Variants in DNAH9 observed in about 807,000 individuals in gnomAD.
DNAH9 encodes the protein DNAH9 variant protein.
A neutral mutation model predicts 471.6 loss-of-function variants in DNAH9; 345 were observed. That is an observed-to-expected ratio of 0.73 (90% CI 0.67 to 0.80). The LOEUF (loss-of-function observed/expected upper bound fraction) is 0.80, where lower values mean the gene tolerates loss of function less well. Among genes scored for constraint, DNAH9 ranks in the 30% least tolerant of loss-of-function variants. The pLI, the probability that DNAH9 is intolerant of heterozygous loss-of-function variation, is 0.00. For synonymous variants in DNAH9, 2,093 were observed against 2,123.6 expected, an observed-to-expected ratio of 0.99 and a Z score of 0.40; for missense variants, 5,407 against 5,609.2, an observed-to-expected ratio of 0.96 and a Z score of 1.15.
chr17:11,675,059 G>T (rs1428392624), intron 17 of DNAH9, among the ~76,000 whole-genome samples: 2 of 152,132 alleles, frequency 1.3e-5, no homozygotes, highest in African/African-American at 4.8e-5. Flanking sequence ...ATCAATTTGA[G>T]TAGAATTGAT....
intron 27 of DNAH9, among the ~76,000 whole-genome samples, chr17:11,726,627 C>T (rs1216965383): frequency 2.0e-5 from 3 of 152,202 alleles, no homozygotes; most frequent in Non-Finnish European, 2.9e-5. Context: ...TTCAATGGAA[C>T]CACTACTGAT....
At chr17:11,751,330 C>T (rs916159466) in intron 32 of DNAH9, among the ~76,000 whole-genome samples, 2 of 151,852 alleles carry the variant, frequency 1.3e-5, no homozygotes, top group Admixed American at 6.6e-5. Flanking sequence ...CCCAATGTTA[C>T]TCATTAATAT....
intron 41 of DNAH9, among the ~76,000 whole-genome samples, chr17:11,791,402 C>T (rs1291037202): frequency 3.9e-5 from 6 of 152,122 alleles, no homozygotes; most frequent in Admixed American, 3.9e-4. Context: ...AAGAAGCAAA[C>T]CTGTATAAAG....
In DNAH9 at chr17:11,598,727, G is replaced by C; in HGVS notation, c.229G>C (p.Gly77Arg). Residue 77 changes from glycine to arginine, a missense_variant, in exon 1 of 69, where the codon GGG (glycine) becomes CGG (arginine). Gly to Arg is a moderately radical substitution (Grantham distance 125, BLOSUM62 -2). Around this residue, in one of 3 missense-constraint regions of DNAH9, gnomAD observed 767 missense variants for 692.5 expected, o/e 1.11. Transcript: ENST00000262442. ...GPRPLLVVRPGPRGLAIRPGL... is the reference protein window; with the variant it reads ...GPRPLLVVRPRPRGLAIRPGL... ...GCGGCCGCTGCTGGTGGTGCGGCCC[G>C]GGCCCAGGGGCCTGGCAATACGCCC... The C allele has an allele frequency of 1.4e-6, 2 of 1,388,788 alleles. No individual in the cohort carries two copies. The highest frequency in any genetic ancestry group is 9.3e-7 in the Non-Finnish European group (1 of 1,078,908). The allele number at this position is 1,388,788 out of a possible 1,614,324, so 86.0% of individuals were successfully genotyped here.
chr17:11,915,722 T>G (rs763000037), intron 61 of DNAH9, among the ~76,000 whole-genome samples: 1 of 152,238 alleles, frequency 6.6e-6, no homozygotes, highest in Non-Finnish European at 1.5e-5. Flanking sequence ...TGAAATATTT[T>G]CAACCATCCA....
intron 17 of DNAH9, among the ~76,000 whole-genome samples, chr17:11,672,061 A>C (rs796939951): frequency 3.3e-5 from 5 of 152,330 alleles, no homozygotes; most frequent in African/African-American, 1.2e-4. Flanking sequence ...AATAATAAAA[A>C]AATTATTATT....
intron 66 of DNAH9, among the ~76,000 whole-genome samples, chr17:11,941,694 GGATAGATAGATAGATAGATAGATAGATA>G (rs58634740): frequency 6.7e-6 from 1 of 148,220 alleles, no homozygotes. Context: ...GTGGATGACC[GGATAGATAGATAGATAGATAGATAGATA>G]GATAGATAGA....
chr17:11,774,136 CAAAAT>C (rs879425083), intron 38 of DNAH9, among the ~76,000 whole-genome samples: 1 of 151,970 alleles, frequency 6.6e-6, no homozygotes, highest in Admixed American at 6.6e-5. Flanking sequence ...ATCCCTGCCA[CAAAAT>C]AAAATAAAAT....
At chr17:11,610,723 T>C (rs1365102317) in intron 3 of DNAH9, among the ~76,000 whole-genome samples, 169 bp downstream of exon 3, 2 of 152,224 alleles carry the variant, frequency 1.3e-5, no homozygotes. Context: ...AGTTTTTTGA[T>C]AGACTGGGAG....
chr17:11,699,689 C>A (rs79380564), intron 22 of DNAH9, 42 bp from the exon 23 acceptor site: 1 of 1,596,042 alleles, frequency 6.3e-7, no homozygotes, highest in East Asian at 2.2e-5. Context: ...AGCAGCTTCC[C>A]GAACATGTTT....
chr17:11,606,082 T>C (rs1336029781), intron 1 of DNAH9, among the ~76,000 whole-genome samples: 2 of 152,196 alleles, frequency 1.3e-5, no homozygotes, highest in African/African-American at 2.4e-5. Flanking sequence ...TGGTTCTTTC[T>C]TAACATGAAT....
chr17:11,913,750 C>A (rs890890178), intron 61 of DNAH9, among the ~76,000 whole-genome samples: 1 of 151,178 alleles, frequency 6.6e-6, no homozygotes, highest in Non-Finnish European at 1.5e-5. Flanking sequence ...CCACTGCACT[C>A]CAGCCTGGGC....
chr17:11,859,084 CAAAAAAAAAAAA>C (rs56040033), intron 50 of DNAH9, among the ~76,000 whole-genome samples: 1 of 64,374 alleles, frequency 1.6e-5, no homozygotes, highest in Non-Finnish European at 2.8e-5. Flanking sequence ...AACCCCGTCT[CAAAAAAAAAAAA>C]AAAAAAAAAG....
intron 67 of DNAH9, among the ~76,000 whole-genome samples, chr17:11,954,544 A>C (rs941931167): frequency 2.0e-5 from 3 of 151,910 alleles, no homozygotes; most frequent in Admixed American, 1.3e-4. Flanking sequence ...TAAAGTACTA[A>C]AAGAAAAAAA....
At chr17:11,741,832 A>T (rs917777892) in intron 29 of DNAH9, among the ~76,000 whole-genome samples, 4 of 152,166 alleles carry the variant, frequency 2.6e-5, no homozygotes, top group Non-Finnish European at 5.9e-5. Context: ...TGCTTTACTA[A>T]TTCATGCCTT....
At chr17:11,690,833 C>T (rs2074322913) in intron 20 of DNAH9, among the ~76,000 whole-genome samples, 1 of 152,150 alleles carries the variant, frequency 6.6e-6, no homozygotes, top group South Asian at 2.1e-4. Flanking sequence ...ATTCAAGTTC[C>T]TTCTCAGCAG....
intron 27 of DNAH9, among the ~76,000 whole-genome samples, chr17:11,720,663 C>T (rs528769781): frequency 7.2e-5 from 11 of 152,274 alleles, no homozygotes; most frequent in South Asian, 2.1e-4. Flanking sequence ...GCCGTTACCA[C>T]GTATAGCACT....
intron 44 of DNAH9, among the ~76,000 whole-genome samples, chr17:11,808,603 G>C (rs1185517478): frequency 6.6e-6 from 1 of 152,270 alleles, no homozygotes; most frequent in East Asian, 1.9e-4. Flanking sequence ...CCAGCCTCTC[G>C]ACGACTGGCT....
intron 61 of DNAH9, among the ~76,000 whole-genome samples, chr17:11,906,863 T>C (rs1189180954): frequency 6.6e-6 from 1 of 151,734 alleles, no homozygotes; most frequent in Non-Finnish European, 1.5e-5. Flanking sequence ...CTGGGGCCTA[T>C]TGAGGGGGTG....
Sources: allele counts gnomAD v4.1 joint callset (sites outside exome capture counted in the v4.1 genomes callset), GRCh38; gene constraint gnomAD v4.1.1; regional missense constraint gnomAD v4.1.1; transcripts MANE v1.5; gene names NCBI Gene and HGNC (gene_info 2026-07-23, HGNC 2026-07-21).